The following LGR5 variants were observed in gnomAD, a reference collection of about 807,000 sequenced individuals.
LGR5 encodes the protein leucine rich repeat containing G protein-coupled receptor 5, also known as leucine-rich repeat-containing G protein-coupled receptor 5.
In LGR5, 54 loss-of-function variants were observed where a neutral mutation model predicts 76.7. The ratio of observed to expected loss-of-function variants is 0.70; its 90% confidence interval spans 0.57 to 0.88. LGR5 has a LOEUF of 0.88. LGR5 is among the 40% of genes least tolerant of loss of function. LGR5 has a pLI of 0.00. For missense variants in LGR5, 1,078 were observed against 1,073.3 expected (o/e 1.00, Z -0.06); for synonymous variants, 406 against 421.9 (o/e 0.96, Z 0.46).
chr12:71,528,999 T>TTGACA (rs1466839837), intron 3 of LGR5, among the ~76,000 whole-genome samples: 2 of 152,328 alleles, frequency 1.3e-5, no homozygotes, highest in African/African-American at 4.8e-5. Context: ...GAGAATTATT[T>TTGACA]TGACACTATT....
At chr12:71,496,065 A>G (rs1205221832) in intron 1 of LGR5, among the ~76,000 whole-genome samples, 2 of 152,130 alleles carry the variant, frequency 1.3e-5, no homozygotes, top group African/African-American at 4.8e-5. Context: ...ACATGCCAAA[A>G]TGACTAAAAT....
intron 12 of LGR5, 77 bp from the exon 13 acceptor site, chr12:71,572,773 C>A: frequency 9.4e-7 from 1 of 1,058,328 alleles, no homozygotes; most frequent in South Asian, 1.3e-5. Flanking sequence ...GGTAGTCCCT[C>A]TATAAAAGTT....
At chr12:71,505,781 A>G (rs972057085) in intron 2 of LGR5, among the ~76,000 whole-genome samples, 1 of 152,214 alleles carries the variant, frequency 6.6e-6, no homozygotes, top group Non-Finnish European at 1.5e-5. Flanking sequence ...AATCAGTTGC[A>G]TGTGATAAAA....
chr12:71,518,304 C>T (rs1372461911), intron 2 of LGR5, among the ~76,000 whole-genome samples: 1 of 152,024 alleles, frequency 6.6e-6, no homozygotes, highest in African/African-American at 2.4e-5. Flanking sequence ...AATGAGATAC[C>T]ATCTCACACC....
intron 4 of LGR5, among the ~76,000 whole-genome samples, chr12:71,540,391 A>G (rs1876817022): frequency 6.6e-6 from 1 of 152,234 alleles, no homozygotes; most frequent in South Asian, 2.1e-4. Context: ...AGAAGAATTA[A>G]ACATATCTTT....
chr12:71,510,806 G>A (rs1277997405), intron 2 of LGR5, among the ~76,000 whole-genome samples: 1 of 152,140 alleles, frequency 6.6e-6, no homozygotes, highest in African/African-American at 2.4e-5. Flanking sequence ...AGAAGGTGGA[G>A]GAGGGACTGG....
At chr12:71,546,885 C>T (rs1429002806) in intron 4 of LGR5, among the ~76,000 whole-genome samples, 1 of 152,194 alleles carries the variant, frequency 6.6e-6, no homozygotes, top group Non-Finnish European at 1.5e-5. Flanking sequence ...ACTCCACTTA[C>T]TTTGGATACT....
At chr12:71,464,629 C>G (rs759787698) in intron 1 of LGR5, among the ~76,000 whole-genome samples, 2 of 151,930 alleles carry the variant, frequency 1.3e-5, no homozygotes, top group East Asian at 3.9e-4. Flanking sequence ...CAATTATGGC[C>G]CTAGAGTAGA....
intron 2 of LGR5, among the ~76,000 whole-genome samples, chr12:71,506,597 A>G (rs7964892): frequency 0.05 from 7,648 of 152,218 alleles, 245 homozygotes; most frequent in Non-Finnish European, 0.074. Flanking sequence ...ACTTCATCAA[A>G]TATCTTGACC....
intron 1 of LGR5, among the ~76,000 whole-genome samples, chr12:71,445,833 G>C (rs1015020281): frequency 2.0e-5 from 3 of 152,196 alleles, no homozygotes; most frequent in African/African-American, 7.2e-5. Context: ...AAGCAGAAGT[G>C]CTTCCGTATA....
In LGR5 at chr12:71,505,949, G is replaced by T. The variant is rs140708336; in HGVS notation, c.284+1264G>T. ...CCATTGCTAAGATTTAACCTTCATA[G>T]GAGCTGGAACAATGTCTGTCTTAGT... On this transcript the variant is annotated intron_variant, in intron 2 of 17. Transcript: ENST00000266674. Among the ~76,000 whole-genome samples the T allele has an allele frequency of 1.3e-3, 193 of 152,124 alleles. 1 individual carries two copies. The highest frequency in any genetic ancestry group is 4.6e-3 in the African/African-American group (189 of 41,524).
chr12:71,567,671 T>G (rs117645287), intron 11 of LGR5, among the ~76,000 whole-genome samples: 1 of 152,222 alleles, frequency 6.6e-6, no homozygotes, highest in East Asian at 1.9e-4. Flanking sequence ...ACTCAGAATG[T>G]TAAGTAGATA....
chr12:71,484,877 C>T (rs532594073), intron 1 of LGR5, among the ~76,000 whole-genome samples: 14 of 152,252 alleles, frequency 9.2e-5, no homozygotes, highest in African/African-American at 2.9e-4. Context: ...AATTTTCAAA[C>T]GAGCTTTGGT....
intron 1 of LGR5, among the ~76,000 whole-genome samples, chr12:71,497,805 G>C (rs571881968): frequency 1.3e-5 from 2 of 152,100 alleles, no homozygotes; most frequent in African/African-American, 4.8e-5. Flanking sequence ...ATTTGTCTTC[G>C]ACTGTGGCAG....
At chr12:71,535,511 TAAA>T (rs5799043) in intron 4 of LGR5, among the ~76,000 whole-genome samples, 1 of 150,362 alleles carries the variant, frequency 6.7e-6, no homozygotes, top group East Asian at 1.9e-4. Flanking sequence ...TCCTTTTACC[TAAA>T]AAAAAAAAAT....
intron 2 of LGR5, among the ~76,000 whole-genome samples, chr12:71,515,499 A>G (rs997498251): frequency 6.6e-6 from 1 of 152,228 alleles, no homozygotes; most frequent in African/African-American, 2.4e-5. Context: ...GTAAATTACA[A>G]CTCCAAAGAG....
At chr12:71,512,149 G>T (rs1875188973) in intron 2 of LGR5, among the ~76,000 whole-genome samples, 1 of 152,026 alleles carries the variant, frequency 6.6e-6, no homozygotes, top group Non-Finnish European at 1.5e-5. Flanking sequence ...CCGCCATCAT[G>T]CCCAGCTAAT....
intron 2 of LGR5, among the ~76,000 whole-genome samples, chr12:71,507,033 A>T (rs1565703037): frequency 6.6e-6 from 1 of 152,230 alleles, no homozygotes; most frequent in Admixed American, 6.5e-5. Context: ...AAGTGCAGTA[A>T]CAACAATAAT....
At chr12:71,532,037 A>G (rs1235881420) in intron 3 of LGR5, among the ~76,000 whole-genome samples, 1 of 152,200 alleles carries the variant, frequency 6.6e-6, no homozygotes, top group African/African-American at 2.4e-5. Flanking sequence ...ATATTTTAAG[A>G]GTTCCACTGT....
Sources: allele counts gnomAD v4.1 joint callset (sites outside exome capture counted in the v4.1 genomes callset), GRCh38; gene constraint gnomAD v4.1.1; transcripts MANE v1.5; gene names NCBI Gene and HGNC (gene_info 2026-07-23, HGNC 2026-07-21).